PRICKLE1: variants seen among roughly 807,000 people sequenced by gnomAD.
PRICKLE1 encodes prickle-like protein 1.
A neutral mutation model predicts 70.2 loss-of-function variants in PRICKLE1; 14 were observed. That is an observed-to-expected ratio of 0.20 (90% CI 0.13 to 0.31). The LOEUF is 0.31. Ranked by LOEUF, PRICKLE1 falls within the 10% of genes least tolerant of loss-of-function variation. The pLI is 1.00. For synonymous variants in PRICKLE1, 357 were observed against 379.9 expected (o/e 0.94, Z 0.70); for missense variants, 821 against 1,026.2 (o/e 0.80, Z 2.73).
intron 1 of PRICKLE1, among the ~76,000 whole-genome samples, chr12:42,506,247 T>TTTTC (rs1412857507): frequency 1.0e-5 from 1 of 96,832 alleles, no homozygotes; most frequent in African/African-American, 5.4e-5. Context: ...AAATGTTCTT[T>TTTTC]TTTCTTTCTT....
intron 1 of PRICKLE1, among the ~76,000 whole-genome samples, chr12:42,478,109 C>T (rs936791614): frequency 1.4e-4 from 22 of 151,800 alleles, no homozygotes; most frequent in Non-Finnish European, 2.9e-5. Context: ...ATCCTCCCTC[C>T]CTCTCCCTCT....
intron 1 of PRICKLE1, among the ~76,000 whole-genome samples, chr12:42,510,997 A>T (rs1939502608): frequency 6.6e-6 from 1 of 152,250 alleles, no homozygotes; most frequent in Non-Finnish European, 1.5e-5. Flanking sequence ...TCCAACTGGC[A>T]TGACAATGGT....
At chr12:42,473,337 T>G (rs1170928658) in intron 1 of PRICKLE1, among the ~76,000 whole-genome samples, 2 of 152,218 alleles carry the variant, frequency 1.3e-5, no homozygotes, top group Non-Finnish European at 2.9e-5. Flanking sequence ...TGAAAAGTTA[T>G]GCAGTCAGTG....
intron 1 of PRICKLE1, among the ~76,000 whole-genome samples, chr12:42,498,176 C>CTTT: frequency 7.3e-6 from 1 of 137,834 alleles, no homozygotes; most frequent in African/African-American, 2.7e-5. Context: ...TTCTCTCTCT[C>CTTT]TTTTTTTTTT....
At chr12:42,518,848 TGCA>T (rs1421003977) in intron 1 of PRICKLE1, among the ~76,000 whole-genome samples, 10 of 152,222 alleles carry the variant, frequency 6.6e-5, no homozygotes, top group Non-Finnish European at 1.5e-4. Flanking sequence ...TCTGATAAAC[TGCA>T]AATTACACTT....
chr12:42,530,843 G>A (rs1309246435), intron 1 of PRICKLE1, among the ~76,000 whole-genome samples: 1 of 148,334 alleles, frequency 6.7e-6, no homozygotes, highest in African/African-American at 2.5e-5. Flanking sequence ...CCCGGCACCT[G>A]TAAAACATGG....
At chr12:42,490,012 C>T (rs997495817) in intron 1 of PRICKLE1, 9 of 152,118 alleles carry the variant, frequency 5.9e-5, no homozygotes, top group African/African-American at 2.2e-4. Context: ...AATCCATATT[C>T]TGTATCTTGA....
At chr12:42,561,905 C>CTTTTTTTTTT (rs60450733) in intron 1 of PRICKLE1, among the ~76,000 whole-genome samples, 262 of 86,362 alleles carry the variant, frequency 3.0e-3, no homozygotes, top group Middle Eastern at 6.9e-3. Flanking sequence ...TTTTTCTTTT[C>CTTTTTTTTTT]TTTTTTTTTT....
intron 1 of PRICKLE1, among the ~76,000 whole-genome samples, chr12:42,549,556 A>C (rs1940273655): frequency 6.6e-6 from 1 of 152,006 alleles, no homozygotes; most frequent in African/African-American, 2.4e-5. Context: ...GGCACCACAC[A>C]TTCCCTATCT....
chr12:42,530,516 T>C (rs1939892771), intron 1 of PRICKLE1, among the ~76,000 whole-genome samples: 1 of 152,030 alleles, frequency 6.6e-6, no homozygotes. Flanking sequence ...TCAGGGGATA[T>C]GAGAGTTCAG....
intron 1 of PRICKLE1, among the ~76,000 whole-genome samples, chr12:42,493,181 T>C (rs1043555124): frequency 1.3e-5 from 2 of 152,180 alleles, no homozygotes; most frequent in African/African-American, 4.8e-5. Flanking sequence ...AGGGTAACTA[T>C]AGTCAATAAT....
chr12:42,488,921 TC>T (rs1939037647), intron 1 of PRICKLE1, among the ~76,000 whole-genome samples: 3 of 146,968 alleles, frequency 2.0e-5, no homozygotes, highest in Admixed American at 6.7e-5. Flanking sequence ...TATCAATCTA[TC>T]TTTTTTTTTT....
intron 1 of PRICKLE1, among the ~76,000 whole-genome samples, chr12:42,518,518 A>C (rs1939649314): frequency 6.6e-6 from 1 of 152,214 alleles, no homozygotes; most frequent in Admixed American, 6.5e-5. Context: ...TTAACAAAGC[A>C]AAGTTATTTA....
At chr12:42,544,373 T>G (rs1247392207) in intron 1 of PRICKLE1, among the ~76,000 whole-genome samples, 1 of 152,216 alleles carries the variant, frequency 6.6e-6, no homozygotes, top group Non-Finnish European at 1.5e-5. Flanking sequence ...TCAACAATCT[T>G]CCCACTTTTC....
At chr12:42,587,288 T>C (rs1941000079) in intron 1 of PRICKLE1, among the ~76,000 whole-genome samples, 1 of 152,218 alleles carries the variant, frequency 6.6e-6, no homozygotes. Context: ...TCAATATGTC[T>C]ATCTCTATAA....
chr12:42,513,257 C>T (rs965727539), intron 1 of PRICKLE1, among the ~76,000 whole-genome samples: 1 of 152,110 alleles, frequency 6.6e-6, no homozygotes, highest in Admixed American at 6.6e-5. Context: ...CCACCGCAGC[C>T]CAGGCTGTCA....
intron 2 of PRICKLE1, 92 bp from the exon 3 acceptor site, chr12:42,470,451 G>T: frequency 1.1e-6 from 1 of 897,874 alleles, no homozygotes; most frequent in Non-Finnish European, 1.8e-6. Context: ...CTAGGTACAG[G>T]GTTTGGCCTC....
At chr12:42,532,894 CA>C (rs11413258) in intron 1 of PRICKLE1, among the ~76,000 whole-genome samples, 22 of 133,034 alleles carry the variant, frequency 1.7e-4, no homozygotes, top group African/African-American at 3.4e-4. Flanking sequence ...GACTCCGTCT[CA>C]AAAAAAAAAA....
rs1938088478 is a variant in PRICKLE1 at position 42,466,198 on chromosome 12, A to G, written c.771T>C (p.His257=). The G allele has an allele frequency of 6.2e-7, 1 of 1,614,196 alleles. No homozygotes were observed. The highest frequency in any genetic ancestry group is 1.3e-5 in the African/African-American group (1 of 75,056). Residue 257 remains histidine, a synonymous_variant, in exon 6 of 8, where the codon CAT becomes CAC. Coordinates refer to ENST00000345127, the MANE Select transcript of PRICKLE1 (RefSeq NM_153026.3). ...ACGGGCTGGCTGTGGACTTACCAAT[A>G]TGTTCCCCACAGGTTTCACAGTACT... ...YAEYCETCGE[H]IGVDHAQMTY... is the part of the protein sequence containing the mutation.
Sources: gnomAD v4.1 joint callset for allele counts (sites outside exome capture counted in the v4.1 genomes callset) on GRCh38, gnomAD v4.1.1 for gene constraint, MANE v1.5 for transcripts, NCBI Gene and HGNC (gene_info 2026-07-23, HGNC 2026-07-21) for gene names.